Variants in PTPRT observed in about 807,000 individuals in gnomAD.
PTPRT encodes the protein receptor-type tyrosine-protein phosphatase T.
A neutral mutation model predicts 176.8 loss-of-function variants in PTPRT; 56 were observed. The observed-to-expected ratio is 0.32, with a 90% CI of 0.26 to 0.40. The LOEUF is 0.40. PTPRT is among the 10% of genes least tolerant of loss of function. PTPRT has a pLI of 1.00. For missense variants in PTPRT, 1,540 were observed against 1,908.2 expected, an observed-to-expected ratio of 0.81 and a Z score of 3.60; for synonymous variants, 783 against 739.0, an observed-to-expected ratio of 1.06 and a Z score of -0.96.
intron 21 of PTPRT, among the ~76,000 whole-genome samples, chr20:42,117,842 G>C (rs369531808): frequency 6.6e-5 from 10 of 152,234 alleles, no homozygotes; most frequent in African/African-American, 1.9e-4. Flanking sequence ...AAGGTACTGG[G>C]CATGTTTGTA....
At chr20:42,119,654 T>G (rs1987481831) in intron 20 of PTPRT, among the ~76,000 whole-genome samples, 1 of 152,256 alleles carries the variant, frequency 6.6e-6, no homozygotes, top group Non-Finnish European at 1.5e-5. Flanking sequence ...CTCCTTGCTC[T>G]GTCACTCATG....
chr20:42,873,993 C>T (rs59490147), intron 2 of PTPRT, among the ~76,000 whole-genome samples: 6,010 of 152,214 alleles, frequency 0.039, 300 homozygotes, highest in African/African-American at 0.11. Flanking sequence ...AAACCTGTTT[C>T]TTTACTAAGG....
intron 7 of PTPRT, among the ~76,000 whole-genome samples, chr20:42,617,460 A>G (rs372324235): frequency 5.5e-4 from 72 of 130,426 alleles, no homozygotes; most frequent in Admixed American, 6.4e-4. Context: ...TCATAAAATG[A>G]GTTAGGGAGG....
chr20:42,930,210 G>A (rs1979744189), intron 1 of PTPRT, among the ~76,000 whole-genome samples: 1 of 152,222 alleles, frequency 6.6e-6, no homozygotes, highest in South Asian at 2.1e-4. Flanking sequence ...ACAGCAGCCT[G>A]CAGCATCAGT....
intron 1 of PTPRT, among the ~76,000 whole-genome samples, chr20:42,943,853 A>T (rs1980719053): frequency 6.6e-6 from 1 of 151,880 alleles, no homozygotes; most frequent in African/African-American, 2.4e-5. Flanking sequence ...TGTCTCTACA[A>T]AAAAACTGAA....
At chr20:42,588,381 T>A (rs62203797) in intron 7 of PTPRT, among the ~76,000 whole-genome samples, 3,284 of 152,080 alleles carry the variant, frequency 0.022, 89 homozygotes, top group East Asian at 0.14. Flanking sequence ...GAGGTGAAGG[T>A]TGCAGTCAGC....
intron 1 of PTPRT, among the ~76,000 whole-genome samples, chr20:43,088,063 A>G (rs1336509729): frequency 9.8e-6 from 1 of 102,046 alleles, no homozygotes; most frequent in Non-Finnish European, 2.0e-5. Context: ...TAAATGATCA[A>G]TGTTGAGACG....
At chr20:43,157,563 T>G (rs1391761648) in intron 1 of PTPRT, among the ~76,000 whole-genome samples, 1 of 152,058 alleles carries the variant, frequency 6.6e-6, no homozygotes, top group Non-Finnish European at 1.5e-5. Context: ...AAGTAGTTGG[T>G]GGGGGAAGGA....
intron 1 of PTPRT, among the ~76,000 whole-genome samples, chr20:43,016,432 C>A (rs928596945): frequency 6.6e-6 from 1 of 151,896 alleles, no homozygotes; most frequent in Non-Finnish European, 1.5e-5. Flanking sequence ...GTGGTCTCCC[C>A]TTTCCTTTCC....
At chr20:42,975,088 C>G (rs375522359) in intron 1 of PTPRT, among the ~76,000 whole-genome samples, 1 of 152,064 alleles carries the variant, frequency 6.6e-6, no homozygotes, top group Non-Finnish European at 1.5e-5. Flanking sequence ...AGGAAATAAT[C>G]TGTGGAATAT....
At chr20:42,655,944 G>C (rs371802136) in intron 7 of PTPRT, among the ~76,000 whole-genome samples, 23 of 152,296 alleles carry the variant, frequency 1.5e-4, no homozygotes, top group African/African-American at 5.1e-4. Flanking sequence ...TCTAGGAAGA[G>C]TTTGTGTAAT....
intron 1 of PTPRT, among the ~76,000 whole-genome samples, chr20:42,910,053 G>C (rs2079525498): frequency 6.6e-6 from 1 of 152,094 alleles, no homozygotes; most frequent in Non-Finnish European, 1.5e-5. Context: ...CCATAAAGCT[G>C]GTTACTTTAT....
chr20:42,489,996 T>G (rs1288649868), intron 7 of PTPRT, among the ~76,000 whole-genome samples: 1 of 152,356 alleles, frequency 6.6e-6, no homozygotes, highest in African/African-American at 2.4e-5. Flanking sequence ...AACCATTTGC[T>G]TACTATTCAG....
chr20:42,697,130 A>G (rs1435360242), intron 6 of PTPRT, among the ~76,000 whole-genome samples: 1 of 152,214 alleles, frequency 6.6e-6, no homozygotes, highest in Non-Finnish European at 1.5e-5. Flanking sequence ...AGAAAAAAAC[A>G]AAACAAATAA....
rs144405614 is a variant in PTPRT at position 42,426,133 on chromosome 20, C to T, written c.1560+22087G>A. The stretch of plus-strand genomic sequence containing the variant: ...AGGGTTCCCTGGCAAAACCCCCACC[C>T]TCAAGCCTGGAAACCCACAGCCCTA... On this transcript the variant is annotated intron_variant, in intron 9 of 30. Coordinates refer to ENST00000373187, the MANE Select transcript of PTPRT (RefSeq NM_007050.6). Among the ~76,000 whole-genome samples the T allele has an allele frequency of 1.9e-3, 294 of 152,218 alleles. 1 individual carries two copies. Among genetic ancestry groups the T allele is most frequent in the Middle Eastern group, 0.017 (5 of 294 alleles).
intron 7 of PTPRT, among the ~76,000 whole-genome samples, chr20:42,621,086 A>G (rs1293228054): frequency 6.6e-6 from 1 of 152,102 alleles, no homozygotes. Flanking sequence ...TCCCTCAACA[A>G]GTGGGAATTA....
chr20:42,086,352 G>A (rs759337470), intron 27 of PTPRT, among the ~76,000 whole-genome samples: 4 of 152,130 alleles, frequency 2.6e-5, no homozygotes, highest in African/African-American at 7.2e-5. Context: ...TTTTTCTGGT[G>A]TTGAAATATC....
chr20:42,380,791 G>A (rs938598253), intron 9 of PTPRT, among the ~76,000 whole-genome samples: 1 of 152,174 alleles, frequency 6.6e-6, no homozygotes, highest in East Asian at 1.9e-4. Context: ...GCTCATGGAG[G>A]TATGTTAGTG....
At chr20:43,108,466 C>A (rs2012712036) in intron 1 of PTPRT, among the ~76,000 whole-genome samples, 1 of 152,082 alleles carries the variant, frequency 6.6e-6, no homozygotes, top group African/African-American at 2.4e-5. Flanking sequence ...TCCAGTCAAC[C>A]CACAGCACCA....
Sources: allele counts gnomAD v4.1 joint callset (sites outside exome capture counted in the v4.1 genomes callset), GRCh38; gene constraint gnomAD v4.1.1; transcripts MANE v1.5; gene names NCBI Gene and HGNC (gene_info 2026-07-23, HGNC 2026-07-21).